KLF12: variants seen among roughly 807,000 people sequenced by gnomAD.
KLF12 encodes KLF transcription factor 12.
KLF12 carries 9 observed loss-of-function variants against 37.8 expected under a neutral mutation model. The ratio of observed to expected loss-of-function variants is 0.24; its 90% CI spans 0.14 to 0.42. The LOEUF (loss-of-function observed/expected upper bound fraction) is 0.42, where lower values mean the gene tolerates loss of function less well. KLF12 is among the 10% of genes least tolerant of loss of function. The pLI, the probability that KLF12 is intolerant of heterozygous loss-of-function variation, is 1.00. For missense variants in KLF12, 411 were observed against 516.0 expected (o/e 0.80, Z 1.97); for synonymous variants, 208 against 202.1 (o/e 1.03, Z -0.25).
intron 6 of KLF12, among the ~76,000 whole-genome samples, chr13:73,749,392 T>C (rs1878588179): frequency 6.6e-6 from 1 of 152,182 alleles, no homozygotes; most frequent in South Asian, 2.1e-4. Flanking sequence ...TCTTCAAAGG[T>C]GTGACAATTA....
At chr13:74,089,835 G>A (rs1875549597) in intron 1 of KLF12, among the ~76,000 whole-genome samples, 1 of 144,008 alleles carries the variant, frequency 6.9e-6, no homozygotes, top group Non-Finnish European at 1.5e-5. Context: ...ACCATGGCTA[G>A]TATCATACTT....
chr13:74,085,289 T>C (rs1339149929), intron 1 of KLF12, among the ~76,000 whole-genome samples: 2 of 152,176 alleles, frequency 1.3e-5, no homozygotes, highest in Non-Finnish European at 2.9e-5. Flanking sequence ...AAGGGTCATA[T>C]AAAATAATGT....
chr13:74,288,562 G>C, the KLF12 span, among the ~76,000 whole-genome samples: 4 of 152,172 alleles, frequency 2.6e-5, no homozygotes, highest in Non-Finnish European at 5.9e-5. Flanking sequence ...ACAGGGTGGG[G>C]AGTGGTTTGC....
the KLF12 span, among the ~76,000 whole-genome samples, chr13:74,303,138 T>C: frequency 2.0e-5 from 3 of 152,152 alleles, no homozygotes; most frequent in African/African-American, 7.2e-5. Context: ...CATACTTTCT[T>C]CCTACACTTG....
intron 5 of KLF12, among the ~76,000 whole-genome samples, chr13:73,808,032 C>T (rs1882739264): frequency 6.6e-6 from 1 of 152,130 alleles, no homozygotes; most frequent in African/African-American, 2.4e-5. Flanking sequence ...TAAACTTCAC[C>T]TATTGAAAAG....
intron 1 of KLF12, among the ~76,000 whole-genome samples, chr13:74,017,949 C>G (rs1892742528): frequency 6.6e-6 from 1 of 152,068 alleles, no homozygotes; most frequent in Admixed American, 6.5e-5. Context: ...GGAGAGTACA[C>G]AGGGCATGAG....
chr13:74,044,535 A>C (rs1244724487), intron 1 of KLF12, among the ~76,000 whole-genome samples: 1 of 152,170 alleles, frequency 6.6e-6, no homozygotes, highest in Non-Finnish European at 1.5e-5. Context: ...AGAGAGATAC[A>C]AAAGTCAACT....
the KLF12 span, among the ~76,000 whole-genome samples, chr13:74,269,378 C>T: frequency 1.3e-5 from 2 of 152,106 alleles, no homozygotes; most frequent in South Asian, 2.1e-4. Flanking sequence ...TCACAGTATG[C>T]TCATATAGAG....
intron 7 of KLF12, among the ~76,000 whole-genome samples, chr13:73,698,513 T>C (rs1490125623): frequency 2.0e-5 from 3 of 152,228 alleles, no homozygotes; most frequent in African/African-American, 7.2e-5. Flanking sequence ...ATGGTAGTTA[T>C]GTCCTTTCCA....
chr13:73,904,469 C>CTTTTTTTTTTTTTTTTTTTTTT lies in KLF12; in HGVS notation c.123+39490_123+39511dup, dbSNP rs11342071. Among the ~76,000 whole-genome samples, 3 of 92,030 alleles carry CTTTTTTTTTTTTTTTTTTTTTT rather than the reference C, an allele frequency of 3.3e-5. 1 individual carries two copies. Among genetic ancestry groups the CTTTTTTTTTTTTTTTTTTTTTT allele is most frequent in the African/African-American group, 4.5e-5 (1 of 22,160 alleles). The allele number at this position is 92,030 out of a possible 152,430, so 60.4% of individuals were successfully genotyped here. A position where few individuals can be genotyped will look rare whatever the true frequency, so the allele number is the denominator to read the frequency against. On this transcript the variant is annotated intron_variant, in intron 3 of 7. Transcript: ENST00000377669. Reference sequence around the variant, plus strand: ...CAGTTTCTCATGTTTTCTTTCTTTCCTTTTTTTTTTTTTTTTTTTTTTTAC... The same window carrying CTTTTTTTTTTTTTTTTTTTTTT: ...CAGTTTCTCATGTTTTCTTTCTTTCCTTTTTTTTTTTTTTTTTTTTTTTTTTTTTTTTTTTTTTTTTTTTTAC...
At chr13:73,894,765 T>C (rs1887681319) in intron 3 of KLF12, among the ~76,000 whole-genome samples, 1 of 152,204 alleles carries the variant, frequency 6.6e-6, no homozygotes, top group South Asian at 2.1e-4. Flanking sequence ...TAATGAAAAT[T>C]CTTTTGACTT....
chr13:73,744,948 G>A (rs1186468517), intron 6 of KLF12, among the ~76,000 whole-genome samples: 1 of 152,138 alleles, frequency 6.6e-6, no homozygotes, highest in Non-Finnish European at 1.5e-5. Flanking sequence ...TGAGGCCATG[G>A]TTGCACTTTC....
chr13:73,993,036 A>G (rs1343141374), intron 2 of KLF12, among the ~76,000 whole-genome samples: 1 of 152,238 alleles, frequency 6.6e-6, no homozygotes, highest in Admixed American at 6.5e-5. Context: ...GTTCAAGACC[A>G]GCCTGGCCAA....
chr13:73,890,425 C>A (rs1298623168), intron 3 of KLF12, among the ~76,000 whole-genome samples: 1 of 151,902 alleles, frequency 6.6e-6, no homozygotes, highest in Non-Finnish European at 1.5e-5. Flanking sequence ...AGAAATAATC[C>A]TTTTTATCTC....
chr13:74,256,112 G>A, the KLF12 span, among the ~76,000 whole-genome samples: 163 of 149,460 alleles, frequency 1.1e-3, 1 homozygote, highest in African/African-American at 3.7e-3. Flanking sequence ...GGGAGATCGC[G>A]CCACTGCACT....
At position 73,694,420 on chromosome 13, in the gene KLF12, G is replaced by A. The variant is rs1323120860; in HGVS notation, c.*1070C>T. ...GTGTTTTTTACAATCCCTTTAGTAA[G>A]TATGAAAATTGGTAACGTGAGTCCT... On this transcript the variant is annotated 3_prime_UTR_variant, in exon 8 of 8. Coordinates refer to ENST00000377669, the MANE Select transcript of KLF12 (RefSeq NM_007249.5). 1.3e-5 allele frequency: 2 copies of A among 152,640 alleles called. No individual in the cohort carries two copies. The highest frequency in any genetic ancestry group is 2.9e-5 in the Non-Finnish European group (2 of 68,046). 9.5% of individuals were successfully genotyped at this position (152,640 alleles called of 1,614,324 possible). A position where few individuals can be genotyped will look rare whatever the true frequency, so the allele number is the denominator to read the frequency against.
chr13:74,280,601 T>C, the KLF12 span, among the ~76,000 whole-genome samples: 2 of 152,172 alleles, frequency 1.3e-5, no homozygotes, highest in South Asian at 4.1e-4. Flanking sequence ...CAAAACATGA[T>C]CTCTGGTCAC....
At chr13:74,211,694 A>C in the KLF12 span, among the ~76,000 whole-genome samples, 2 of 152,212 alleles carry the variant, frequency 1.3e-5, no homozygotes, top group Admixed American at 6.5e-5. Flanking sequence ...TCTAGAGAAC[A>C]AAGAGTAAGA....
chr13:73,971,220 C>A (rs1161679421), intron 2 of KLF12, among the ~76,000 whole-genome samples: 1 of 152,068 alleles, frequency 6.6e-6, no homozygotes, highest in Non-Finnish European at 1.5e-5. Flanking sequence ...CTCTTCTTGC[C>A]AGAGACTTTT....
Sources: gnomAD v4.1 joint callset for allele counts (sites outside exome capture counted in the v4.1 genomes callset) on GRCh38, gnomAD v4.1.1 for gene constraint, MANE v1.5 for transcripts, NCBI Gene and HGNC (gene_info 2026-07-23, HGNC 2026-07-21) for gene names.